The following ERLIN1 variants were observed in gnomAD, a reference collection of about 807,000 sequenced individuals.
ERLIN1 encodes ER lipid raft associated 1.
Under a neutral mutation model 46.9 loss-of-function variants are expected in ERLIN1, and 24 were observed. The observed-to-expected ratio is 0.51, with a 90% CI of 0.37 to 0.72. The LOEUF is 0.72. Ranked by LOEUF, ERLIN1 falls within the 30% of genes least tolerant of loss-of-function variation. The pLI is 0.00. For missense variants in ERLIN1, 293 were observed against 417.9 expected, an observed-to-expected ratio of 0.70 and a Z score of 2.61; for synonymous variants, 158 against 143.2, an observed-to-expected ratio of 1.10 and a Z score of -0.74.
At position 100,178,150 on chromosome 10, in the gene ERLIN1, A is replaced by C. The variant is rs776507792; in HGVS notation, c.287T>G (p.Met96Arg). The change falls in exon 4 of 11, where the codon ATG becomes AGG. Residue 96 changes from methionine (M) to arginine (R), a missense_variant. This residue lies in a region of ERLIN1 where 148 missense variants were observed against 266.5 expected (regional missense o/e 0.56). Transcript: ENST00000421367. ...IYIDRIEVVN[M>R]LAPYAVFDIV... is the part of the protein sequence containing the mutation. The stretch of plus-strand genomic sequence containing the variant: ...TAACATACCTGCATAAGGAGCCAAC[A>C]TATTAACCACTTCTATTCGGTCAAT... The C allele has an allele frequency of 5.7e-6, 9 of 1,581,040 alleles. No individual in the cohort carries two copies. The highest frequency in any genetic ancestry group is 7.7e-6 in the Non-Finnish European group (9 of 1,161,708).
Position 100,175,933 on chromosome 10 carries a change from T to G in ERLIN1, c.430+12A>C. 6.2e-7 allele frequency: 1 copy of G among 1,611,584 alleles called. No individual in the cohort carries two copies. The highest frequency in any genetic ancestry group is 8.5e-7 in the Non-Finnish European group (1 of 1,178,564). On this transcript the variant is annotated intron_variant, in intron 5 of 10. Transcript: ENST00000421367. ...ATTGGCTATTTACATACATAAGAATTAAGACACTTACCAAACAATTCAATG... is the reference window on the plus strand; with the variant it reads ...ATTGGCTATTTACATACATAAGAATGAAGACACTTACCAAACAATTCAATG...
chr10:100,159,918 T>C (rs1843274708), intron 8 of ERLIN1, among the ~76,000 whole-genome samples: 2 of 143,616 alleles, frequency 1.4e-5, no homozygotes, highest in African/African-American at 5.1e-5. Flanking sequence ...GTAAATAATA[T>C]AATTTAAACA....
In ERLIN1 at chr10:100,185,941, G is replaced by T. The variant is rs1185158777; in HGVS notation, c.-315C>A. 6.5e-6 allele frequency: 3 copies of T among 463,706 alleles called. No individual in the cohort carries two copies. Among genetic ancestry groups the T allele is most frequent in the Non-Finnish European group, 3.8e-6 (1 of 263,910 alleles). The allele number at this position is 463,706 out of a possible 1,614,324, so 28.7% of individuals were successfully genotyped here. On this transcript the variant is annotated 5_prime_UTR_variant, in exon 1 of 11. Coordinates refer to ENST00000421367, the MANE Select transcript of ERLIN1 (RefSeq NM_006459.4). ...CAGCCGCAGGCTCGCGAGGAAAGCC[G>T]ACCCCTCGGCCGCGCCTCACCGATC...
At chr10:100,178,216 G>T (rs1339699251) in intron 3 of ERLIN1, 22 bp from the exon 4 acceptor site, 1 of 1,507,048 alleles carries the variant, frequency 6.6e-7, no homozygotes, top group Admixed American at 1.9e-5. Flanking sequence ...GAAAAAAAGT[G>T]TGAACTACTA....
chr10:100,160,921 T>C (rs544250106), intron 8 of ERLIN1, among the ~76,000 whole-genome samples: 4 of 152,346 alleles, frequency 2.6e-5, no homozygotes, highest in African/African-American at 7.2e-5. Context: ...TACTCCAGCC[T>C]GGGTGGCAAA....
chr10:100,179,818 T>C (rs1038633410), intron 2 of ERLIN1, among the ~76,000 whole-genome samples: 27 of 152,148 alleles, frequency 1.8e-4, no homozygotes, highest in Non-Finnish European at 2.9e-5. Flanking sequence ...TGCTAATAAG[T>C]AGAAAACTCT....
intron 5 of ERLIN1, 82 bp downstream of exon 5, chr10:100,175,863 G>A (rs530898486): frequency 8.1e-7 from 1 of 1,239,886 alleles, no homozygotes; most frequent in South Asian, 1.5e-5. Context: ...TAGCACTAAG[G>A]TTTACCAATA....
chr10:100,180,117 C>G (rs1844552715), intron 2 of ERLIN1, among the ~76,000 whole-genome samples: 1 of 152,136 alleles, frequency 6.6e-6, no homozygotes, highest in South Asian at 2.1e-4. Flanking sequence ...GAAGTGCTAC[C>G]ACCAGTACTG....
intron 4 of ERLIN1, 60 bp downstream of exon 4, chr10:100,178,073 C>T: frequency 1.9e-6 from 2 of 1,032,922 alleles, no homozygotes; most frequent in Non-Finnish European, 2.9e-6. Context: ...CTCAAAGAAT[C>T]TCTCAGCTAT....
At chr10:100,171,698 G>A (rs1041872472) in intron 6 of ERLIN1, among the ~76,000 whole-genome samples, 2 of 152,080 alleles carry the variant, frequency 1.3e-5, no homozygotes, top group South Asian at 2.1e-4. Flanking sequence ...GATGTGAGCC[G>A]CTATGCCCAG....
At chr10:100,179,819 A>G (rs1844535193) in intron 2 of ERLIN1, among the ~76,000 whole-genome samples, 1 of 152,190 alleles carries the variant, frequency 6.6e-6, no homozygotes, top group Non-Finnish European at 1.5e-5. Flanking sequence ...GCTAATAAGT[A>G]GAAAACTCTT....
At chr10:100,182,219 G>A (rs183088810) in intron 2 of ERLIN1, among the ~76,000 whole-genome samples, 2 of 146,162 alleles carry the variant, frequency 1.4e-5, no homozygotes, top group East Asian at 2.0e-4. Flanking sequence ...TTTAAGAGAC[G>A]GAGTTTCCCC....
chr10:100,186,027 A>G lies in ERLIN1; in HGVS notation c.-401T>C. 1 of 418,828 alleles carries G rather than the reference A, an allele frequency of 2.4e-6. No homozygotes were observed. Among genetic ancestry groups the G allele is most frequent in the Non-Finnish European group, 4.2e-6 (1 of 238,688 alleles). The allele number at this position is 418,828 out of a possible 1,614,324, so 25.9% of individuals were successfully genotyped here. On this transcript the variant is annotated 5_prime_UTR_variant, in exon 1 of 11. Coordinates refer to ENST00000421367, the MANE Select transcript of ERLIN1 (RefSeq NM_006459.4). Reference sequence around the variant, plus strand: ...CTCCCGCGCCGAGCCAACCGCCGCCAACAGCCGGCCCCGCCCACTCGCCCA... The same window carrying G: ...CTCCCGCGCCGAGCCAACCGCCGCCGACAGCCGGCCCCGCCCACTCGCCCA...
chr10:100,173,732 C>G (rs1844135200), intron 6 of ERLIN1, among the ~76,000 whole-genome samples: 1 of 152,204 alleles, frequency 6.6e-6, no homozygotes, highest in Non-Finnish European at 1.5e-5. Context: ...AAAATCTCAA[C>G]TCAATCACAG....
At chr10:100,174,330 T>C in intron 5 of ERLIN1, 49 bp from the exon 6 acceptor site, 1 of 1,314,876 alleles carries the variant, frequency 7.6e-7, no homozygotes, top group Non-Finnish European at 1.1e-6. Flanking sequence ...CAATTTTTTT[T>C]ACATTGTATT....
chr10:100,174,140 C>A, intron 6 of ERLIN1, 68 bp downstream of exon 6: 2 of 956,110 alleles, frequency 2.1e-6, no homozygotes, highest in Admixed American at 2.1e-5. Flanking sequence ...TAAAACAATC[C>A]AATGAAAGGA....
rs1429423656 is a variant in ERLIN1 at position 100,174,225 on chromosome 10, G to C, written c.487C>G (p.Pro163Ala). The change falls in exon 6 of 11, where the codon CCA becomes GCA. Residue 163 changes from proline (P) to alanine (A), a missense_variant. Physicochemically the swap from Pro to Ala is conservative, Grantham distance 27. This residue lies in a region of ERLIN1 where 148 missense variants were observed against 266.5 expected (regional missense o/e 0.56). Coordinates refer to ENST00000421367, the MANE Select transcript of ERLIN1 (RefSeq NM_006459.4). ...ALQKDLNLMA[P>A]GLTIQAVRVT... ...GAACTTACCTGTATAGTGAGACCTG[G>C]GGCCATGAGGTTTAAGTCTTTCTGC... The C allele has an allele frequency of 6.4e-7, 1 of 1,563,392 alleles. No individual in the cohort carries two copies. The highest frequency in any genetic ancestry group is 8.7e-7 in the Non-Finnish European group (1 of 1,151,842).
chr10:100,158,723 G>C (rs1032338410), intron 8 of ERLIN1, among the ~76,000 whole-genome samples: 1 of 152,186 alleles, frequency 6.6e-6, no homozygotes, highest in Non-Finnish European at 1.5e-5. Flanking sequence ...GGAGGACAGT[G>C]ATAAGAGTTA....
At chr10:100,161,192 A>C (rs530181314) in intron 8 of ERLIN1, among the ~76,000 whole-genome samples, 2 of 152,368 alleles carry the variant, frequency 1.3e-5, no homozygotes, top group African/African-American at 2.4e-5. Flanking sequence ...CCTTATGTGA[A>C]GATAAGGACC....
Sources: allele counts gnomAD v4.1 joint callset (sites outside exome capture counted in the v4.1 genomes callset), GRCh38; gene constraint gnomAD v4.1.1; regional missense constraint gnomAD v4.1.1; transcripts MANE v1.5; gene names NCBI Gene and HGNC (gene_info 2026-07-23, HGNC 2026-07-21).